The following TEK variants were observed in gnomAD, a reference collection of about 807,000 sequenced individuals.
TEK encodes TEK receptor tyrosine kinase, also known as angiopoietin-1 receptor.
In TEK, 43 loss-of-function variants were observed where a neutral mutation model predicts 131.8. The ratio of observed to expected loss-of-function variants is 0.33; its 90% CI spans 0.26 to 0.42. TEK has a LOEUF of 0.42. Among genes scored for constraint, TEK ranks in the 10% least tolerant of loss-of-function variants. The pLI is 1.00. For missense variants in TEK, 1,162 were observed against 1,384.4 expected, an observed-to-expected ratio of 0.84 and a Z score of 2.55; for synonymous variants, 580 against 491.6, an observed-to-expected ratio of 1.18 and a Z score of -2.38.
intron 21 of TEK, among the ~76,000 whole-genome samples, chr9:27,222,598 G>A (rs1489051455): frequency 2.6e-5 from 4 of 152,024 alleles, no homozygotes; most frequent in East Asian, 3.9e-4. Context: ...CCAGAATTTC[G>A]TATCCAACCA....
chr9:27,155,826 T>G (rs1278889735), intron 1 of TEK, among the ~76,000 whole-genome samples: 2 of 151,918 alleles, frequency 1.3e-5, no homozygotes, highest in Admixed American at 6.6e-5. Context: ...TTTGTTTTTT[T>G]TTTTTTTTGA....
intron 16 of TEK, 78 bp downstream of exon 16, chr9:27,209,309 AATGATC>A: frequency 9.5e-7 from 1 of 1,052,156 alleles, no homozygotes; most frequent in Non-Finnish European, 1.5e-6. Context: ...AAGGAAAGAT[AATGATC>A]TTAAGAATGT....
At chr9:27,136,885 GA>G (rs1172674841) in intron 1 of TEK, among the ~76,000 whole-genome samples, 1 of 151,818 alleles carries the variant, frequency 6.6e-6, no homozygotes, top group Non-Finnish European at 1.5e-5. Context: ...CTGCTAAAGA[GA>G]AAAAAAATCT....
chr9:27,160,080 TG>T (rs1823493826), intron 2 of TEK, among the ~76,000 whole-genome samples: 1 of 137,234 alleles, frequency 7.3e-6, no homozygotes, highest in Non-Finnish European at 1.5e-5. Flanking sequence ...TGGAGTGCAG[TG>T]GCACAATTAC....
chr9:27,132,276 C>T (rs1025590213), intron 1 of TEK, among the ~76,000 whole-genome samples: 14 of 151,728 alleles, frequency 9.2e-5, no homozygotes, highest in African/African-American at 2.2e-4. Flanking sequence ...TTAGTAGAGA[C>T]GGGGTTTCAC....
chr9:27,195,570 A>G, intron 11 of TEK: 1 of 450,294 alleles, frequency 2.2e-6, no homozygotes, highest in Non-Finnish European at 4.5e-6. Context: ...GAATGCATGA[A>G]TTAGAGGATC....
At chr9:27,182,496 C>T (rs1408413825) in intron 7 of TEK, among the ~76,000 whole-genome samples, 1 of 152,180 alleles carries the variant, frequency 6.6e-6, no homozygotes, top group Non-Finnish European at 1.5e-5. Context: ...CTCCTCCACA[C>T]CTTTACCCAT....
chr9:27,220,790 C>T (rs1005174577), intron 21 of TEK, among the ~76,000 whole-genome samples: 1 of 152,202 alleles, frequency 6.6e-6, no homozygotes. Context: ...ACCTGCAGAC[C>T]AGGAGATTCC....
chr9:27,122,767 A>C (rs1821838998), intron 1 of TEK, among the ~76,000 whole-genome samples: 1 of 151,964 alleles, frequency 6.6e-6, no homozygotes, highest in African/African-American at 2.4e-5. Flanking sequence ...AAATTGGAGG[A>C]AAGAGGCCGG....
intron 12 of TEK, among the ~76,000 whole-genome samples, 200 bp downstream of exon 12, chr9:27,197,799 G>C (rs1825083171): frequency 6.6e-6 from 1 of 152,122 alleles, no homozygotes; most frequent in African/African-American, 2.4e-5. Context: ...AATTCAGGCA[G>C]GTCTGTGCTA....
chr9:27,115,199 A>G (rs1036254271), intron 1 of TEK, among the ~76,000 whole-genome samples: 2 of 152,182 alleles, frequency 1.3e-5, no homozygotes, highest in African/African-American at 4.8e-5. Context: ...AAATAGCAAT[A>G]TCTGAATTGA....
chr9:27,191,236 G>C (rs1172494497), intron 10 of TEK, among the ~76,000 whole-genome samples: 64 of 152,160 alleles, frequency 4.2e-4, no homozygotes, highest in Admixed American at 4.1e-3. Flanking sequence ...TGGGCTCGGG[G>C]GAGGACAAGG....
At position 27,168,561 on chromosome 9, in the gene TEK, A is replaced by G. The variant is rs1260992609; in HGVS notation, c.431A>G (p.Lys144Arg). 6.2e-7 allele frequency: 1 copy of G among 1,613,926 alleles called. No homozygotes were observed. Among genetic ancestry groups the G allele is most frequent in the Non-Finnish European group, 8.5e-7 (1 of 1,179,864 alleles). ...GGAGATAACGTGAACATATCTTTCA[A>G]AAAGGTATTGATTAAAGAAGAAGAT... Reference protein sequence around the residue: ...DKGDNVNISFKKVLIKEEDAV... With the variant: ...DKGDNVNISFRKVLIKEEDAV... The change falls in exon 3 of 23, where the codon AAA (lysine) becomes AGA (arginine). Residue 144 changes from lysine to arginine, a missense_variant. By Grantham distance (26) the Lys-to-Arg change is conservative. Transcript: ENST00000380036.
intron 15 of TEK, among the ~76,000 whole-genome samples, chr9:27,207,127 G>A (rs112434503): frequency 5.9e-5 from 9 of 152,338 alleles, no homozygotes; most frequent in African/African-American, 2.2e-4. Flanking sequence ...CACCTGGAAG[G>A]CTTGTTTAAA....
intron 1 of TEK, among the ~76,000 whole-genome samples, chr9:27,143,883 A>G (rs1322733088): frequency 6.6e-6 from 1 of 152,220 alleles, no homozygotes; most frequent in Non-Finnish European, 1.5e-5. Flanking sequence ...GGGTAGAGGA[A>G]AGCATGAGCC....
chr9:27,218,661 T>C (rs1157238882), intron 19 of TEK, 116 bp from the exon 20 acceptor site: 12 of 1,025,582 alleles, frequency 1.2e-5, no homozygotes, highest in East Asian at 4.8e-5. Context: ...TCCTAGGATG[T>C]AGACATTTAA....
intron 3 of TEK, among the ~76,000 whole-genome samples, 189 bp downstream of exon 3, chr9:27,168,794 T>C (rs1270096834): frequency 6.6e-6 from 1 of 152,196 alleles, no homozygotes; most frequent in African/African-American, 2.4e-5. Flanking sequence ...TTAAGGATAT[T>C]AAAGTGGAAT....
Position 27,213,601 on chromosome 9 carries a change from A to G in TEK, c.2991+4A>G, listed in dbSNP as rs748140765. The G allele has an allele frequency of 6.2e-7, 1 of 1,603,174 alleles. No individual in the cohort carries two copies. Among genetic ancestry groups the G allele is most frequent in the Non-Finnish European group, 8.5e-7 (1 of 1,170,132 alleles). On this transcript the variant is annotated splice_donor_region_variant and intron_variant, in intron 18 of 22. Transcript: ENST00000380036. The stretch of plus-strand genomic sequence containing the variant: ...GGTGTATGTGAAAAAGACAATGGTA[A>G]GTGCCAGACACAGACACTGATCGCA...
chr9:27,122,775 C>T (rs1564038721), intron 1 of TEK, among the ~76,000 whole-genome samples: 1 of 151,770 alleles, frequency 6.6e-6, no homozygotes, highest in East Asian at 1.9e-4. Context: ...GGAAAGAGGC[C>T]GGGCACAGTG....
Sources: gnomAD v4.1 joint callset for allele counts (sites outside exome capture counted in the v4.1 genomes callset) on GRCh38, gnomAD v4.1.1 for gene constraint, MANE v1.5 for transcripts, NCBI Gene and HGNC (gene_info 2026-07-23, HGNC 2026-07-21) for gene names.